CCDC91: variants seen among roughly 807,000 people sequenced by gnomAD.
CCDC91 encodes the protein coiled-coil domain containing 91, also known as coiled-coil domain-containing protein 91.
Under a neutral mutation model 63.2 loss-of-function variants are expected in CCDC91, and 48 were observed. The observed-to-expected ratio is 0.76, with a 90% CI of 0.60 to 0.97. CCDC91 has a LOEUF of 0.97. Among genes scored for constraint, CCDC91 ranks in the 50% least tolerant of loss-of-function variants. CCDC91 has a pLI of 0.00. For missense variants in CCDC91, 500 were observed against 494.6 expected, an observed-to-expected ratio of 1.01 and a Z score of -0.10; for synonymous variants, 167 against 165.8, an observed-to-expected ratio of 1.01 and a Z score of -0.06.
intron 3 of CCDC91, among the ~76,000 whole-genome samples, chr12:28,274,999 T>C (rs1238935221): frequency 1.3e-5 from 2 of 151,960 alleles, no homozygotes; most frequent in African/African-American, 4.8e-5. Context: ...TAGCACTAAA[T>C]GCCCACGAGA....
At chr12:28,371,360 A>T (rs1419271193) in intron 7 of CCDC91, among the ~76,000 whole-genome samples, 1 of 152,154 alleles carries the variant, frequency 6.6e-6, no homozygotes, top group South Asian at 2.1e-4. Context: ...GCTCCTTATG[A>T]GAATCTAATG....
chr12:28,534,135 A>G (rs1327480058), intron 12 of CCDC91, among the ~76,000 whole-genome samples: 1 of 152,156 alleles, frequency 6.6e-6, no homozygotes, highest in Non-Finnish European at 1.5e-5. Context: ...CTAGACACTT[A>G]CATGTTCTAA....
chr12:28,280,003 G>C lies in CCDC91; in HGVS notation c.109+20561G>C, dbSNP rs1303082043. ...TTTATCTGCCTCCTTCATTTGAGTA[G>C]TTGAGAATATAAACAGAGGAAATGG... On this transcript the variant is annotated intron_variant, in intron 3 of 12. Transcript: ENST00000536442. Among the ~76,000 whole-genome samples, 3 of 151,968 alleles carry C rather than the reference G, an allele frequency of 2.0e-5. No homozygotes were observed. In the East Asian group the frequency reaches 5.8e-4, roughly 29 times the overall value.
chr12:28,516,914 T>G (rs1232213407), intron 12 of CCDC91, among the ~76,000 whole-genome samples: 1 of 151,928 alleles, frequency 6.6e-6, no homozygotes, highest in Non-Finnish European at 1.5e-5. Flanking sequence ...AGATTTCAAC[T>G]TGACTTTTGG....
intron 6 of CCDC91, among the ~76,000 whole-genome samples, chr12:28,336,558 T>C (rs892502383): frequency 1.3e-5 from 2 of 152,098 alleles, no homozygotes; most frequent in African/African-American, 4.8e-5. Context: ...TTGGCAGGGG[T>C]AGGCTTGTTG....
chr12:28,410,248 A>C (rs1327207324), intron 8 of CCDC91, among the ~76,000 whole-genome samples: 1 of 152,096 alleles, frequency 6.6e-6, no homozygotes, highest in Non-Finnish European at 1.5e-5. Context: ...TCTTCTTTAT[A>C]TATTTGTCCC....
chr12:28,246,959 T>C (rs1174563337), intron 1 of CCDC91, among the ~76,000 whole-genome samples: 1 of 152,202 alleles, frequency 6.6e-6, no homozygotes, highest in Non-Finnish European at 1.5e-5. Context: ...ATAGTAATAG[T>C]GTAGTTTCAT....
intron 7 of CCDC91, among the ~76,000 whole-genome samples, chr12:28,369,853 T>G (rs1944502360): frequency 6.6e-6 from 1 of 152,198 alleles, no homozygotes; most frequent in Admixed American, 6.5e-5. Flanking sequence ...GACCGAGCTG[T>G]ACCTTGGCCC....
intron 3 of CCDC91, among the ~76,000 whole-genome samples, chr12:28,274,625 T>C (rs1368376238): frequency 1.3e-5 from 2 of 152,130 alleles, no homozygotes; most frequent in Non-Finnish European, 2.9e-5. Context: ...AGTTCAGTCA[T>C]GATTTGGCTC....
chr12:28,279,573 T>G (rs1260037831), intron 3 of CCDC91, among the ~76,000 whole-genome samples: 1 of 152,084 alleles, frequency 6.6e-6, no homozygotes, highest in African/African-American at 2.4e-5. Context: ...GGTGGGAGAG[T>G]AAATGGAAAG....
At chr12:28,225,525 A>C (rs1383724697) in intron 1 of CCDC91, among the ~76,000 whole-genome samples, 2 of 151,672 alleles carry the variant, frequency 1.3e-5, no homozygotes, top group Non-Finnish European at 2.9e-5. Flanking sequence ...ATCTCGGCTC[A>C]CTGCAACCTC....
chr12:28,544,619 C>A (rs1304037997), intron 12 of CCDC91, among the ~76,000 whole-genome samples: 1 of 151,926 alleles, frequency 6.6e-6, no homozygotes, highest in Non-Finnish European at 1.5e-5. Flanking sequence ...CACACACACA[C>A]ACATACACAT....
chr12:28,362,240 C>T (rs144269769), intron 6 of CCDC91, among the ~76,000 whole-genome samples, 198 bp from the exon 7 acceptor site: 2 of 143,042 alleles, frequency 1.4e-5, no homozygotes, highest in Admixed American at 1.4e-4. Context: ...CCTTTAATTC[C>T]TCATTGCCTC....
At chr12:28,298,738 C>CAA (rs58644386) in intron 3 of CCDC91, among the ~76,000 whole-genome samples, 29,349 of 145,232 alleles carry the variant, frequency 0.2, 3,799 homozygotes, top group Non-Finnish European at 0.3. Flanking sequence ...AAAAAAAAAA[C>CAA]AACAACAACA....
intron 12 of CCDC91, chr12:28,505,325 A>G (rs765461054): frequency 6.6e-6 from 1 of 151,862 alleles, no homozygotes; most frequent in African/African-American, 2.4e-5. Context: ...AGAGAGGCAT[A>G]ATATTCCATG....
At chr12:28,338,317 T>G (rs1396015791) in intron 6 of CCDC91, among the ~76,000 whole-genome samples, 10 of 72,932 alleles carry the variant, frequency 1.4e-4, no homozygotes, top group African/African-American at 5.2e-4. Context: ...CCCCATAGTG[T>G]TTTTTTTTTT....
intron 7 of CCDC91, among the ~76,000 whole-genome samples, chr12:28,374,536 G>T (rs894819558): frequency 6.6e-6 from 1 of 151,974 alleles, no homozygotes; most frequent in African/African-American, 2.4e-5. Context: ...TTTCCTCATG[G>T]ATAATCGGAT....
intron 8 of CCDC91, among the ~76,000 whole-genome samples, chr12:28,434,770 T>TATA (rs1369734463): frequency 2.0e-5 from 3 of 151,560 alleles, no homozygotes; most frequent in African/African-American, 7.2e-5. Flanking sequence ...TGGTGCTTTA[T>TATA]GTTTTTGAAG....
chr12:28,454,725 T>A (rs1449690721), intron 11 of CCDC91, among the ~76,000 whole-genome samples: 2 of 152,210 alleles, frequency 1.3e-5, no homozygotes, highest in Admixed American at 6.6e-5. Flanking sequence ...TGGTTGGACA[T>A]GTAATCCAAC....
Sources: allele counts gnomAD v4.1 joint callset (sites outside exome capture counted in the v4.1 genomes callset), GRCh38; gene constraint gnomAD v4.1.1; transcripts MANE v1.5; gene names NCBI Gene and HGNC (gene_info 2026-07-23, HGNC 2026-07-21).